Variants in IMPDH1 observed in about 807,000 individuals in gnomAD.
IMPDH1 encodes the protein inosine monophosphate dehydrogenase 1, also known as inosine-5'-monophosphate dehydrogenase 1.
IMPDH1 carries 41 observed loss-of-function variants against 73.5 expected under a neutral mutation model. The ratio of observed to expected loss-of-function variants is 0.56; its 90% CI spans 0.43 to 0.72. IMPDH1 has a LOEUF of 0.72. Among genes scored for constraint, IMPDH1 ranks in the 30% least tolerant of loss-of-function variants. The pLI is 0.00. For missense variants in IMPDH1, 645 were observed against 824.8 expected, an observed-to-expected ratio of 0.78 and a Z score of 2.67; for synonymous variants, 318 against 334.3, an observed-to-expected ratio of 0.95 and a Z score of 0.53.
Position 128,396,501 on chromosome 7 carries a change from G to A in IMPDH1, c.1261+99C>T. 5.0e-6 allele frequency: 5 copies of A among 994,924 alleles called. No homozygotes were observed. The South Asian group carries it at 6.9e-5, about 14-fold the overall frequency. The allele number at this position is 994,924 out of a possible 1,614,324, so 61.6% of individuals were successfully genotyped here. ...CTGGGTCACCCCGGAGCCTACCATG[G>A]CAGAACAGGGCCTGGCAGAGAGAGT... On this transcript the variant is annotated intron_variant, in intron 12 of 16. Transcript: ENST00000338791. The surrounding 1 kb of genome is among the most constrained non-coding windows in gnomAD (Gnocchi z 4.0).
rs1797811341 is a variant in IMPDH1, at chr7:128,394,989, C to T, written c.1450G>A (p.Glu484Lys). 6.2e-6 allele frequency: 10 copies of T among 1,613,906 alleles called. No homozygotes were observed. The highest frequency in any genetic ancestry group is 1.7e-5 in the Admixed American group (1 of 59,988). The change falls in exon 14 of 17, where the codon GAG becomes AAG. Residue 484 changes from glutamate to lysine, a missense_variant. Transcript: ENST00000338791. This position sits in a 1 kb window ranked among gnomAD's most constrained non-coding sequence, Gnocchi z 5.5. Reference sequence around the variant, plus strand: ...CGCACCCCGTCTGAGAAGAAGTACTCGCCAGGGGCCTCCGTAGTGGCGGCC... The same window carrying T: ...CGCACCCCGTCTGAGAAGAAGTACTTGCCAGGGGCCTCCGTAGTGGCGGCC... ...LLAATTEAPG[E>K]YFFSDGVRLK...
In IMPDH1 at chr7:128,392,940, G is replaced by A; in HGVS notation, c.*67C>T. ...ATCTGTGGACCACTCAGTTATGGAG[G>A]GAGGCTGTGCCCAAAAGTGGACACT... On this transcript the variant is annotated 3_prime_UTR_variant, in exon 17 of 17. Transcript: ENST00000338791. 6.6e-7 allele frequency: 1 copy of A among 1,512,502 alleles called. No homozygotes were observed. The highest frequency in any genetic ancestry group is 9.2e-7 in the Non-Finnish European group (1 of 1,087,658). 93.7% of individuals were successfully genotyped at this position (1,512,502 alleles called of 1,614,324 possible).
chr7:128,409,273 G>A lies in IMPDH1; in HGVS notation c.254+16C>T, dbSNP rs1243689437. On this transcript the variant is annotated intron_variant, in intron 3 of 16. Coordinates refer to ENST00000338791, the MANE Select transcript of IMPDH1 (RefSeq NM_000883.4). ...TCAGATCTCAGTGCATGGTGAGGAG[G>A]GGAGAGTGTCCTCACCTAGCCCTGC... 15 of 1,605,342 alleles carry A rather than the reference G, an allele frequency of 9.3e-6. No homozygotes were observed. In the African/African-American group the frequency reaches 9.4e-5, roughly 10 times the overall value.
intron 3 of IMPDH1, among the ~76,000 whole-genome samples, chr7:128,407,093 C>G (rs34848853): frequency 6.6e-6 from 1 of 152,064 alleles, no homozygotes; most frequent in African/African-American, 2.4e-5. Context: ...GGTCCCCCCA[C>G]CCAGACTCCA....
In IMPDH1 at chr7:128,400,374, C is replaced by T. The variant is rs767447708; in HGVS notation, c.745G>A (p.Asp249Asn). ...GTGTGGTCCTTCTCAGCAAGAAAGT[C>T]GATGTCTCGGGAGGTGACGATGCCC... Reference protein sequence around the residue: ...LVGIVTSRDIDFLAEKDHTTL... With the variant: ...LVGIVTSRDINFLAEKDHTTL... Residue 249 changes from aspartate to asparagine, a missense_variant, in exon 8 of 17, where the codon GAC becomes AAC. By Grantham distance (23) the Asp-to-Asn change is conservative (BLOSUM62 1). Around this residue, in one of 2 missense-constraint regions of IMPDH1, gnomAD observed 459 missense variants for 638.2 expected, o/e 0.72. Transcript: ENST00000338791. 11 of 1,613,180 alleles carry T rather than the reference C, an allele frequency of 6.8e-6. No homozygotes were observed. The highest frequency in any genetic ancestry group is 5.3e-5 in the African/African-American group (4 of 74,890).
At chr7:128,405,909 G>A (rs1307131993) in intron 3 of IMPDH1, 44 bp from the exon 4 acceptor site, 4 of 1,441,188 alleles carry the variant, frequency 2.8e-6, no homozygotes, top group Non-Finnish European at 9.1e-7. Context: ...CCGCGCGGCC[G>A]CCCGCCGCTG....
In IMPDH1 at chr7:128,394,598, C is replaced by A; in HGVS notation, c.1552G>T (p.Glu518Ter). Reference protein sequence around the residue: ...SSSSQKRYFSEGDKVKIAQGV... With the variant: ...SSSSQKRYFS ...TGCGCGATCTTCACTTTATCCCCCT[C>A]GCTGCGTGGAGGGTGGAAGACTGAG... The change falls in exon 15 of 17, where the codon GAG becomes TAG. Residue 518 changes from glutamate (E) to a stop codon, truncating the protein, a stop_gained and splice_region_variant. Transcript: ENST00000338791. LOFTEE classifies it high-confidence loss of function. This position sits in a 1 kb window ranked among gnomAD's most constrained non-coding sequence, Gnocchi z 5.5. 6.2e-7 allele frequency: 1 copy of A among 1,613,514 alleles called. No individual in the cohort carries two copies. Among genetic ancestry groups the A allele is most frequent in the Non-Finnish European group, 8.5e-7 (1 of 1,179,976 alleles).
At chr7:128,393,845 C>T (rs755653661) in intron 16 of IMPDH1, 6 of 299,266 alleles carry the variant, frequency 2.0e-5, no homozygotes, top group Non-Finnish European at 3.3e-5. Context: ...CTGCTGCCAA[C>T]GAGCACTGCC....
At chr7:128,405,746 G>A (rs1484458996) in intron 4 of IMPDH1, 21 bp downstream of exon 4, 2 of 1,530,592 alleles carry the variant, frequency 1.3e-6, no homozygotes, top group Non-Finnish European at 1.8e-6. Flanking sequence ...CGCACCTAGG[G>A]GTACGAGACC....
rs746566438 is a variant in IMPDH1 at position 128,394,387 on chromosome 7, T to G, written c.1695-26A>C. On this transcript the variant is annotated intron_variant, in intron 15 of 16. Transcript: ENST00000338791. The surrounding 1 kb of genome is among the most constrained non-coding windows in gnomAD (Gnocchi z 5.5). The stretch of plus-strand genomic sequence containing the variant: ...CTAGGAGGAAGGTAGGTGGAGCAGA[T>G]CAGGGCCACCAAGGGTGGAGAAGAG... 13 of 1,613,576 alleles carry G rather than the reference T, an allele frequency of 8.1e-6. No homozygotes were observed. Among genetic ancestry groups the G allele is most frequent in the Middle Eastern group, 1.6e-4 (1 of 6,062 alleles).
rs1797591926 is a variant in IMPDH1, at chr7:128,392,320, A to C, written c.*687T>G. 1 of 153,142 alleles carries C rather than the reference A, an allele frequency of 6.5e-6. No homozygotes were observed. Among genetic ancestry groups the C allele is most frequent in the South Asian group, 2.1e-4 (1 of 4,870 alleles). 9.5% of individuals were successfully genotyped at this position (153,142 alleles called of 1,614,324 possible). A position where few individuals can be genotyped will look rare whatever the true frequency, so the allele number is the denominator to read the frequency against. On this transcript the variant is annotated 3_prime_UTR_variant, in exon 17 of 17. Transcript: ENST00000338791. ...CTGCTTGATTTATTCCAAGTATTTA[A>C]TACACAATGACGCAACTGTGATCCC...
In IMPDH1 at chr7:128,409,428, G is replaced by A. The variant is rs371917273; in HGVS notation, c.190+13C>T. The A allele has an allele frequency of 2.5e-6, 4 of 1,614,084 alleles. No homozygotes were observed. In the African/African-American group the frequency reaches 5.3e-5, roughly 22 times the overall value. Reference sequence around the variant, plus strand: ...CCAGCAAGCACTGTTTGAACCCCAGGAGTTGGAGCCACCTGAACGGGGTGT... The same window carrying A: ...CCAGCAAGCACTGTTTGAACCCCAGAAGTTGGAGCCACCTGAACGGGGTGT... On this transcript the variant is annotated intron_variant, in intron 2 of 16. Transcript: ENST00000338791.
chr7:128,408,320 TG>T (rs1380486371), intron 3 of IMPDH1, among the ~76,000 whole-genome samples: 1 of 151,924 alleles, frequency 6.6e-6, no homozygotes, highest in Non-Finnish European at 1.5e-5. Flanking sequence ...GAGGGGAAGA[TG>T]GGGGAAGGGC....
At chr7:128,402,804 C>A (rs1798433029) in intron 5 of IMPDH1, among the ~76,000 whole-genome samples, 1 of 152,164 alleles carries the variant, frequency 6.6e-6, no homozygotes, top group African/African-American at 2.4e-5. Context: ...CTGGGCTTCT[C>A]TGAGTTTATC....
At chr7:128,403,115 G>A in intron 5 of IMPDH1, among the ~76,000 whole-genome samples, 1 of 152,024 alleles carries the variant, frequency 6.6e-6, no homozygotes, top group East Asian at 1.9e-4. Flanking sequence ...GGCCTCTTCT[G>A]AACCTGCCCA....
chr7:128,408,591 G>T (rs943118064), intron 3 of IMPDH1, among the ~76,000 whole-genome samples: 1 of 151,946 alleles, frequency 6.6e-6, no homozygotes, highest in African/African-American at 2.4e-5. Flanking sequence ...GGGGGTGGGG[G>T]TAGGGATGGC....
intron 10 of IMPDH1, among the ~76,000 whole-genome samples, chr7:128,397,291 C>G (rs1016427937): frequency 3.3e-5 from 5 of 152,060 alleles, no homozygotes; most frequent in African/African-American, 1.2e-4. Context: ...ACAGACTGAT[C>G]CTTAAAGCAA....
chr7:128,409,579 T>C (rs1799002031), intron 1 of IMPDH1, 95 bp from the exon 2 acceptor site: 1 of 1,536,794 alleles, frequency 6.5e-7, no homozygotes. Flanking sequence ...CCCGTCTGCA[T>C]CCCCCAACCA....
intron 10 of IMPDH1, among the ~76,000 whole-genome samples, chr7:128,397,656 G>C (rs2116630321): frequency 6.6e-6 from 1 of 152,206 alleles, no homozygotes. Flanking sequence ...GGATCAATAA[G>C]CCTTTATCTT....
Sources: gnomAD v4.1 joint callset for allele counts (sites outside exome capture counted in the v4.1 genomes callset) on GRCh38, gnomAD v4.1.1 for gene constraint, gnomAD v4.1.1 regional missense constraint, Gnocchi (gnomAD v3.1) non-coding constraint, MANE v1.5 for transcripts, NCBI Gene and HGNC (gene_info 2026-07-23, HGNC 2026-07-21) for gene names.